ORC4: variants seen among roughly 807,000 people sequenced by gnomAD.
ORC4 encodes origin recognition complex subunit 4.
Under a neutral mutation model 63.9 loss-of-function variants are expected in ORC4, and 55 were observed. The ratio of observed to expected loss-of-function variants is 0.86; its 90% confidence interval spans 0.69 to 1.08. The LOEUF (loss-of-function observed/expected upper bound fraction) is 1.08, where lower values mean the gene tolerates loss of function less well. ORC4 is among the 50% of genes least tolerant of loss of function. The pLI, the probability that ORC4 is intolerant of heterozygous loss-of-function variation, is 0.00. For synonymous variants in ORC4, 150 were observed against 168.5 expected, an observed-to-expected ratio of 0.89 and a Z score of 0.85; for missense variants, 511 against 504.4, an observed-to-expected ratio of 1.01 and a Z score of -0.13.
chr2:147,990,267 G>T (rs1324046678), intron 1 of ORC4, among the ~76,000 whole-genome samples: 1 of 152,080 alleles, frequency 6.6e-6, no homozygotes, highest in African/African-American at 2.4e-5. Context: ...TAAAATGAAA[G>T]GTATTTTAGG....
Position 147,931,126 on chromosome 2 carries a change from GA to G in ORC4, c.*4383del. On this transcript the variant is annotated 3_prime_UTR_variant, in exon 14 of 14. Coordinates refer to ENST00000392857, the MANE Select transcript of ORC4 (RefSeq NM_181741.4). The stretch of plus-strand genomic sequence containing the variant: ...GCGGTGTTTGGTTTTTTGTTCTTGT[GA>G]TAGTTTACTGAGAATGATGATTTCC... The G allele has an allele frequency of 1.3e-5, 2 of 148,602 alleles. No individual in the cohort carries two copies. Among genetic ancestry groups the G allele is most frequent in the South Asian group, 2.2e-4 (1 of 4,610 alleles). The allele number at this position is 148,602 out of a possible 1,614,324, so 9.2% of individuals were successfully genotyped here. A position where few individuals can be genotyped will look rare whatever the true frequency, so the allele number is the denominator to read the frequency against.
intron 8 of ORC4, among the ~76,000 whole-genome samples, chr2:147,949,019 TTTATA>T (rs1361756470): frequency 6.8e-6 from 1 of 147,962 alleles, no homozygotes; most frequent in African/African-American, 2.5e-5. Context: ...ATATATATAA[TTTATA>T]TTATATATGT....
At chr2:147,994,602 G>T (rs1268599274) in intron 1 of ORC4, among the ~76,000 whole-genome samples, 1 of 152,166 alleles carries the variant, frequency 6.6e-6, no homozygotes, top group African/African-American at 2.4e-5. Flanking sequence ...AACAATCTTT[G>T]CAACAAATGG....
chr2:148,005,741 G>A (rs1486615159), intron 1 of ORC4, among the ~76,000 whole-genome samples: 1 of 150,190 alleles, frequency 6.7e-6, no homozygotes, highest in Non-Finnish European at 1.5e-5. Context: ...CACTTTGGAA[G>A]GTCAAGGCGA....
intron 1 of ORC4, among the ~76,000 whole-genome samples, chr2:148,008,787 C>A (rs1481085561): frequency 6.6e-6 from 1 of 152,160 alleles, no homozygotes; most frequent in Non-Finnish European, 1.5e-5. Flanking sequence ...GGATTAGAAC[C>A]CCTTCCCATC....
rs184279462 is a variant in ORC4, at chr2:147,938,471, T to C, written c.959-78A>G. ...TAACTGTTCTCCAAAGAATACAATATAGTGAAAGATCTATGGTTCTGAGGG... is the reference window on the plus strand; with the variant it reads ...TAACTGTTCTCCAAAGAATACAATACAGTGAAAGATCTATGGTTCTGAGGG... On this transcript the variant is annotated intron_variant, in intron 11 of 13. Transcript: ENST00000392857. 5.9e-6 allele frequency: 5 copies of C among 854,648 alleles called. No individual in the cohort carries two copies. In the East Asian group the frequency reaches 1.2e-4, roughly 21 times the overall value. The allele number at this position is 854,648 out of a possible 1,614,324, so 52.9% of individuals were successfully genotyped here. A position where few individuals can be genotyped will look rare whatever the true frequency, so the allele number is the denominator to read the frequency against.
At chr2:148,003,539 C>T (rs191332519) in intron 1 of ORC4, among the ~76,000 whole-genome samples, 42 of 152,172 alleles carry the variant, frequency 2.8e-4, no homozygotes, top group East Asian at 1.9e-3. Flanking sequence ...ATGTAGAAAA[C>T]GCCTTCGACA....
chr2:147,938,308 C>G lies in ORC4; in HGVS notation c.1044G>C (p.Met348Ile), dbSNP rs1252417189. The change falls in exon 12 of 14, where the codon ATG becomes ATC. Residue 348 changes from methionine to isoleucine, a missense_variant. Coordinates refer to ENST00000392857, the MANE Select transcript of ORC4 (RefSeq NM_181741.4). ...IYEEEPFNFQ[M>I]VYNEFQKFVQ... ...TAAGTCTCATCTCACCATTATAGACCATTTGAAAATTAAATGGCTCTTCCT... is the reference window on the plus strand; with the variant it reads ...TAAGTCTCATCTCACCATTATAGACGATTTGAAAATTAAATGGCTCTTCCT... The G allele has an allele frequency of 5.6e-6, 9 of 1,603,376 alleles. No individual in the cohort carries two copies. The highest frequency in any genetic ancestry group is 7.7e-6 in the Non-Finnish European group (9 of 1,171,108).
In ORC4 at chr2:147,975,850, G is replaced by A; in HGVS notation, c.57+52C>T. ...AGGTTAAGAAGATAACTATTTCTCT[G>A]AACAGCTTTACAGGGTAAAATATCT... On this transcript the variant is annotated intron_variant, in intron 2 of 13. Coordinates refer to ENST00000392857, the MANE Select transcript of ORC4 (RefSeq NM_181741.4). The A allele has an allele frequency of 2.9e-6, 3 of 1,042,152 alleles. No homozygotes were observed. In the South Asian group the frequency reaches 3.8e-5, roughly 13 times the overall value. The allele number at this position is 1,042,152 out of a possible 1,614,324, so 64.6% of individuals were successfully genotyped here.
At chr2:147,954,344 C>T (rs1029123754) in intron 7 of ORC4, among the ~76,000 whole-genome samples, 4 of 152,124 alleles carry the variant, frequency 2.6e-5, no homozygotes, top group African/African-American at 9.7e-5. Context: ...GTGACTGCAT[C>T]GTTGTACAAG....
At chr2:147,961,332 G>C (rs1689576727) in intron 4 of ORC4, among the ~76,000 whole-genome samples, 1 of 151,738 alleles carries the variant, frequency 6.6e-6, no homozygotes, top group Admixed American at 6.6e-5. Flanking sequence ...AGCTACTCGG[G>C]AGGCAAATGT....
At chr2:148,018,533 T>C (rs745749079) in intron 1 of ORC4, among the ~76,000 whole-genome samples, 5 of 152,184 alleles carry the variant, frequency 3.3e-5, no homozygotes, top group Non-Finnish European at 7.3e-5. Context: ...TTATTAATAT[T>C]AGACTAAACT....
intron 1 of ORC4, among the ~76,000 whole-genome samples, chr2:148,000,976 T>C (rs1209007857): frequency 1.9e-4 from 29 of 152,054 alleles, no homozygotes; most frequent in Admixed American, 1.9e-3. Flanking sequence ...CAATATAAAA[T>C]GTTATTTAGA....
intron 1 of ORC4, among the ~76,000 whole-genome samples, chr2:148,006,442 T>C (rs1409882920): frequency 6.6e-6 from 1 of 152,084 alleles, no homozygotes; most frequent in Non-Finnish European, 1.5e-5. Context: ...TTGGAGGTAA[T>C]GGACTTAAGA....
At chr2:147,974,988 T>C (rs1334303699) in intron 2 of ORC4, among the ~76,000 whole-genome samples, 1 of 152,180 alleles carries the variant, frequency 6.6e-6, no homozygotes, top group Non-Finnish European at 1.5e-5. Context: ...CAGCTGTACA[T>C]GGAGGATTCG....
At chr2:148,021,194 T>C, upstream of ORC4, 1 of 223,286 alleles carries the variant, frequency 4.5e-6, no homozygotes, top group Non-Finnish European at 9.4e-6. Flanking sequence ...AGGACACTAA[T>C]TCTACCCCAC....
chr2:147,973,586 A>T, intron 2 of ORC4, 62 bp from the exon 3 acceptor site: 1 of 934,792 alleles, frequency 1.1e-6, no homozygotes, highest in Non-Finnish European at 1.7e-6. Flanking sequence ...AAAAATAAAT[A>T]AGAAAGCACA....
At chr2:147,937,443 A>T (rs1688116262) in intron 13 of ORC4, among the ~76,000 whole-genome samples, 2 of 152,212 alleles carry the variant, frequency 1.3e-5, no homozygotes, top group African/African-American at 4.8e-5. Context: ...GAATCTAAAC[A>T]GCAAGAATTT....
chr2:147,972,880 T>G lies in ORC4; in HGVS notation c.135-51A>C, dbSNP rs1386462855. On this transcript the variant is annotated intron_variant, in intron 3 of 13. Coordinates refer to ENST00000392857, the MANE Select transcript of ORC4 (RefSeq NM_181741.4). ...TTTTAAAAATGAAGCTGGAATACTT[T>G]GTTATGTTGTAGTTTTTAAAAGGCA... 4.9e-6 allele frequency: 6 copies of G among 1,220,270 alleles called. No individual in the cohort carries two copies. In the Admixed American group the frequency reaches 8.7e-5, roughly 18 times the overall value. The allele number at this position is 1,220,270 out of a possible 1,614,324, so 75.6% of individuals were successfully genotyped here.
Sources: allele counts gnomAD v4.1 joint callset (sites outside exome capture counted in the v4.1 genomes callset), GRCh38; gene constraint gnomAD v4.1.1; transcripts MANE v1.5; gene names NCBI Gene and HGNC (gene_info 2026-07-23, HGNC 2026-07-21).